Variants in PDS5A observed in about 807,000 individuals in gnomAD.
PDS5A encodes the protein sister chromatid cohesion protein PDS5 homolog A.
Under a neutral mutation model 167.1 loss-of-function variants are expected in PDS5A, and 42 were observed. The observed-to-expected ratio is 0.25, with a 90% CI of 0.20 to 0.33. The LOEUF (loss-of-function observed/expected upper bound fraction) is 0.33, where lower values mean the gene tolerates loss of function less well. Ranked by LOEUF, PDS5A falls within the 10% of genes least tolerant of loss-of-function variation. The pLI, the probability that PDS5A is intolerant of heterozygous loss-of-function variation, is 1.00. For synonymous variants in PDS5A, 553 were observed against 554.6 expected (o/e 1.00, Z 0.04); for missense variants, 1,033 against 1,605.9 (o/e 0.64, Z 6.10).
rs190498562 is a variant in PDS5A at position 39,965,694 on chromosome 4, G to A, written c.138+10746C>T. Among the ~76,000 whole-genome samples, 155 of 152,276 alleles carry A rather than the reference G, an allele frequency of 1.0e-3. 3 individuals carry two copies. Among genetic ancestry groups the A allele is most frequent in the Non-Finnish European group, 1.1e-3 (74 of 68,016 alleles). On this transcript the variant is annotated intron_variant, in intron 2 of 32. Coordinates refer to ENST00000303538, the MANE Select transcript of PDS5A (RefSeq NM_001100399.2). Reference sequence around the variant, plus strand: ...TCAATTATTTGAGAGTAAGGTAATCGCTTCTGAGCCTTTTGGCTAAGATCA... The same window carrying A: ...TCAATTATTTGAGAGTAAGGTAATCACTTCTGAGCCTTTTGGCTAAGATCA...
chr4:39,872,031 T>C (rs1419087718), intron 21 of PDS5A, among the ~76,000 whole-genome samples: 1 of 152,126 alleles, frequency 6.6e-6, no homozygotes, highest in Non-Finnish European at 1.5e-5. Flanking sequence ...TCAAGGTGTG[T>C]TTCCGAAATC....
chr4:39,841,044 T>C (rs1460737610), intron 31 of PDS5A, among the ~76,000 whole-genome samples: 1 of 151,790 alleles, frequency 6.6e-6, no homozygotes, highest in Non-Finnish European at 1.5e-5. Flanking sequence ...TGTAAGTTAC[T>C]GCACCCAGCC....
intron 2 of PDS5A, among the ~76,000 whole-genome samples, chr4:39,970,722 G>A (rs1386319335): frequency 6.7e-6 from 1 of 150,192 alleles, no homozygotes; most frequent in Non-Finnish European, 1.5e-5. Flanking sequence ...AGTAAGAGGA[G>A]GTTCCAGAAT....
intron 2 of PDS5A, chr4:39,973,486 G>A: frequency 7.5e-7 from 1 of 1,336,874 alleles, no homozygotes. Flanking sequence ...AAATCTTGAT[G>A]ATAGTATTGA....
chr4:39,859,824 C>T (rs1718835519), intron 26 of PDS5A, among the ~76,000 whole-genome samples: 1 of 152,208 alleles, frequency 6.6e-6, no homozygotes, highest in South Asian at 2.1e-4. Context: ...TGGGCAGAAC[C>T]ACCTGGGATG....
intron 8 of PDS5A, among the ~76,000 whole-genome samples, chr4:39,913,949 G>A (rs1578730344): frequency 1.3e-5 from 2 of 152,232 alleles, no homozygotes; most frequent in South Asian, 2.1e-4. Context: ...GCTAATTTAT[G>A]TCTACTTCAC....
chr4:39,916,007 AG>A (rs1724338444), intron 8 of PDS5A, among the ~76,000 whole-genome samples: 1 of 152,106 alleles, frequency 6.6e-6, no homozygotes, highest in Non-Finnish European at 1.5e-5. Flanking sequence ...CCAAGGCAGG[AG>A]AATTGCATTA....
At chr4:39,898,638 G>GC in intron 15 of PDS5A, 110 bp from the exon 16 acceptor site, 1 of 934,564 alleles carries the variant, frequency 1.1e-6, no homozygotes, top group Non-Finnish European at 1.6e-6. Context: ...AAGAAAATCA[G>GC]CCTAGCTGGT....
In PDS5A at chr4:39,976,487, C is replaced by G; in HGVS notation, c.91G>C (p.Glu31Gln). ...GKIAYPPGVK[E>Q]ITDKITTDEM... is the part of the protein sequence containing the mutation. ...TCCGTGGTGATCTTGTCGGTGATCT[C>G]TTTTACCCCCGGAGGGTAAGCGATC... Residue 31 changes from glutamate (E) to glutamine (Q), a missense_variant, in exon 2 of 33, where the codon GAG becomes CAG. Glu to Gln is a conservative substitution (Grantham distance 29). Coordinates refer to ENST00000303538, the MANE Select transcript of PDS5A (RefSeq NM_001100399.2). 2 of 1,613,644 alleles carry G rather than the reference C, an allele frequency of 1.2e-6. No individual in the cohort carries two copies. The highest frequency in any genetic ancestry group is 8.5e-7 in the Non-Finnish European group (1 of 1,179,636).
At chr4:39,886,541 C>T (rs1410252824) in intron 17 of PDS5A, among the ~76,000 whole-genome samples, 1 of 151,838 alleles carries the variant, frequency 6.6e-6, no homozygotes. Flanking sequence ...TGGAGAAACC[C>T]CATCTCTACT....
chr4:39,881,955 G>C (rs1211237611), intron 17 of PDS5A, among the ~76,000 whole-genome samples: 3 of 152,038 alleles, frequency 2.0e-5, no homozygotes, highest in Non-Finnish European at 4.4e-5. Flanking sequence ...TTTTATAAAG[G>C]GGAGTTCCCC....
intron 26 of PDS5A, among the ~76,000 whole-genome samples, chr4:39,859,419 T>G (rs1319161229): frequency 6.6e-6 from 1 of 152,154 alleles, no homozygotes; most frequent in Non-Finnish European, 1.5e-5. Flanking sequence ...TAGCTGGGAT[T>G]ACAGGTGAGA....
intron 5 of PDS5A, among the ~76,000 whole-genome samples, chr4:39,923,437 TA>T (rs952341073): frequency 5.7e-4 from 86 of 151,750 alleles, no homozygotes; most frequent in African/African-American, 2.0e-3. Flanking sequence ...AATTCTGCCT[TA>T]AAAAATGTCA....
intron 26 of PDS5A, among the ~76,000 whole-genome samples, chr4:39,857,168 C>T (rs564864091): frequency 2.6e-5 from 4 of 152,000 alleles, no homozygotes; most frequent in South Asian, 2.1e-4. Flanking sequence ...CTGGCTAACA[C>T]GGTGAAACCC....
At chr4:39,868,043 A>G (rs1384978601) in intron 22 of PDS5A, among the ~76,000 whole-genome samples, 1 of 152,232 alleles carries the variant, frequency 6.6e-6, no homozygotes, top group Non-Finnish European at 1.5e-5. Context: ...AAATGAACTG[A>G]TAGAATATAT....
rs73129429 is a variant in PDS5A at position 39,902,223 on chromosome 4, A to G, written c.1499+124T>C. The stretch of plus-strand genomic sequence containing the variant: ...CGTAACATTTTGTCTATAAATATTT[A>G]CCTGAGGTTCTTGATTCAACTATAG... On this transcript the variant is annotated intron_variant, in intron 13 of 32. Transcript: ENST00000303538. The G allele has an allele frequency of 9.6e-4, 531 of 551,296 alleles. 2 individuals are homozygous for G. Among genetic ancestry groups the G allele is most frequent in the African/African-American group, 8.1e-3 (420 of 51,552 alleles). The allele number at this position is 551,296 out of a possible 1,614,324, so 34.2% of individuals were successfully genotyped here. A position where few individuals can be genotyped will look rare whatever the true frequency, so the allele number is the denominator to read the frequency against.
At chr4:39,842,777 A>G (rs1287518623) in intron 30 of PDS5A, among the ~76,000 whole-genome samples, 1 of 151,416 alleles carries the variant, frequency 6.6e-6, no homozygotes, top group African/African-American at 2.4e-5. Flanking sequence ...CAAAATAAGT[A>G]TGTTTATGAA....
intron 2 of PDS5A, among the ~76,000 whole-genome samples, chr4:39,961,929 A>G (rs1729513416): frequency 6.6e-6 from 1 of 152,234 alleles, no homozygotes; most frequent in South Asian, 2.1e-4. Context: ...TTTCTATTTA[A>G]TTCAAGATCT....
chr4:39,846,264 G>A (rs1000508648), intron 28 of PDS5A: 3 of 152,978 alleles, frequency 2.0e-5, no homozygotes, highest in African/African-American at 7.2e-5. Context: ...ACTTTGGGAG[G>A]CCAAAGTGGG....
Sources: allele counts gnomAD v4.1 joint callset (sites outside exome capture counted in the v4.1 genomes callset), GRCh38; gene constraint gnomAD v4.1.1; transcripts MANE v1.5; gene names NCBI Gene and HGNC (gene_info 2026-07-23, HGNC 2026-07-21).